RIN2: variants seen among roughly 807,000 people sequenced by gnomAD.
RIN2 encodes the protein Ras and Rab interactor 2, also known as RAB5 interacting protein 2.
Under a neutral mutation model 78.0 loss-of-function variants are expected in RIN2, and 36 were observed. That is an observed-to-expected ratio of 0.46 (90% CI 0.35 to 0.61). RIN2 has a LOEUF of 0.61. RIN2 is among the 20% of genes least tolerant of loss of function. RIN2 has a pLI of 0.00. For missense variants in RIN2, 1,087 were observed against 1,159.7 expected, an observed-to-expected ratio of 0.94 and a Z score of 0.91; for synonymous variants, 466 against 466.8, an observed-to-expected ratio of 1.00 and a Z score of 0.02.
At chr20:19,797,117 C>T (rs2035081906) in intron 1 of RIN2, among the ~76,000 whole-genome samples, 1 of 152,162 alleles carries the variant, frequency 6.6e-6, no homozygotes, top group African/African-American at 2.4e-5. Flanking sequence ...AAGTGAGTGT[C>T]CCAGCATCAG....
intron 9 of RIN2, among the ~76,000 whole-genome samples, chr20:19,985,801 G>T (rs762986312): frequency 6.6e-6 from 1 of 152,156 alleles, no homozygotes; most frequent in Non-Finnish European, 1.5e-5. Context: ...TGTTTTGCAC[G>T]CGTGCTTGTG....
chr20:19,936,140 G>C (rs1208585295), intron 4 of RIN2, among the ~76,000 whole-genome samples: 1 of 152,216 alleles, frequency 6.6e-6, no homozygotes, highest in Non-Finnish European at 1.5e-5. Context: ...CAGCTGGAAG[G>C]TGGTACTTTG....
rs966770663 is a variant in RIN2 at position 20,001,353 on chromosome 20, T to G, written c.*417T>G. 7.0e-6 allele frequency: 1 copy of G among 143,794 alleles called. No individual in the cohort carries two copies. Among genetic ancestry groups the G allele is most frequent in the African/African-American group, 2.7e-5 (1 of 36,960 alleles). 8.9% of individuals were successfully genotyped at this position (143,794 alleles called of 1,614,324 possible). A position where few individuals can be genotyped will look rare whatever the true frequency, so the allele number is the denominator to read the frequency against. On this transcript the variant is annotated 3_prime_UTR_variant, in exon 13 of 13. Coordinates refer to ENST00000255006, the MANE Select transcript of RIN2 (RefSeq NM_018993.4). ...TGGCTTCATCCCTGCCTTCCTTCCT[T>G]TCTTTTTCCTTTTTTTTTTTTTTTT...
chr20:19,882,266 C>T (rs6136868), intron 2 of RIN2, among the ~76,000 whole-genome samples: 2 of 152,116 alleles, frequency 1.3e-5, no homozygotes, highest in Non-Finnish European at 2.9e-5. Flanking sequence ...CAGCCAACAC[C>T]TCACAGAGCA....
chr20:19,965,432 T>C (rs2328472), intron 7 of RIN2, among the ~76,000 whole-genome samples: 24,204 of 152,078 alleles, frequency 0.16, 2,100 homozygotes, highest in East Asian at 0.3. Flanking sequence ...CCTGTGACTT[T>C]GAAAGCTTCA....
intron 2 of RIN2, among the ~76,000 whole-genome samples, chr20:19,877,095 A>C (rs73901318): frequency 7.2e-4 from 110 of 152,276 alleles, no homozygotes; most frequent in African/African-American, 2.6e-3. Context: ...GAGTAAGAAG[A>C]TAAGGTCTTC....
At chr20:19,946,985 C>T (rs1162090584) in intron 4 of RIN2, among the ~76,000 whole-genome samples, 1 of 142,188 alleles carries the variant, frequency 7.0e-6, no homozygotes, top group African/African-American at 2.6e-5. Context: ...GAGCCGAGAT[C>T]GTACCACTGC....
At chr20:19,989,892 A>G (rs1015479444) in intron 9 of RIN2, 114 bp from the exon 10 acceptor site, 3 of 1,055,472 alleles carry the variant, frequency 2.8e-6, no homozygotes, top group South Asian at 1.8e-5. Context: ...AAGGTGTACA[A>G]TTTGTGTGCC....
chr20:19,801,259 A>G (rs1240195150), intron 2 of RIN2, among the ~76,000 whole-genome samples: 1 of 152,004 alleles, frequency 6.6e-6, no homozygotes, highest in East Asian at 1.9e-4. Context: ...TTATCATGTA[A>G]AATAATCATC....
intron 2 of RIN2, among the ~76,000 whole-genome samples, chr20:19,869,801 T>TTTATTTATTTA (rs1481249195): frequency 1.6e-4 from 23 of 146,008 alleles, no homozygotes; most frequent in Non-Finnish European, 2.6e-4. Flanking sequence ...ATTTTATTTA[T>TTTATTTATTTA]TTATTTATTT....
chr20:19,816,924 TATC>T (rs2035783445), intron 2 of RIN2, among the ~76,000 whole-genome samples: 1 of 152,212 alleles, frequency 6.6e-6, no homozygotes, highest in African/African-American at 2.4e-5. Flanking sequence ...GAGGAACATT[TATC>T]ATAATATACT....
At chr20:19,863,164 A>G (rs1286117456) in intron 2 of RIN2, among the ~76,000 whole-genome samples, 1 of 152,248 alleles carries the variant, frequency 6.6e-6, no homozygotes, top group East Asian at 1.9e-4. Flanking sequence ...ATACATGTGC[A>G]GCCTGTCATT....
chr20:19,814,145 G>A (rs533093068), intron 2 of RIN2, among the ~76,000 whole-genome samples: 5 of 152,156 alleles, frequency 3.3e-5, no homozygotes, highest in Admixed American at 1.3e-4. Flanking sequence ...GCAAATGAAG[G>A]GCAAATGTGT....
intron 1 of RIN2, among the ~76,000 whole-genome samples, chr20:19,793,568 A>G (rs1040664374): frequency 3.3e-5 from 5 of 151,466 alleles, no homozygotes; most frequent in Admixed American, 1.3e-4. Flanking sequence ...CTATCTTCAC[A>G]GCTGGCCTAA....
At chr20:19,847,123 A>G (rs960601684) in intron 2 of RIN2, among the ~76,000 whole-genome samples, 1 of 152,234 alleles carries the variant, frequency 6.6e-6, no homozygotes, top group African/African-American at 2.4e-5. Flanking sequence ...TTGTTTTGTC[A>G]CTGAATAGGA....
At position 19,970,915 on chromosome 20, in the gene RIN2, C is replaced by T. The variant is rs547787195; in HGVS notation, c.614C>T (p.Ala205Val). The change falls in exon 8 of 13, where the codon GCC becomes GTC. Residue 205 changes from alanine to valine, a missense_variant. This residue lies in a region of RIN2 where 706 missense variants were observed against 667.5 expected (regional missense o/e 1.06). Transcript: ENST00000255006. ...TCGGAGGCTCAGCTTGAAGAACTGG[C>T]CCAGATGGGACTAAGTAAGTGTGTG... ...AKSEAQLEEL[A>V]QMGLNFWSSP... 19 of 1,612,300 alleles carry T rather than the reference C, an allele frequency of 1.2e-5. No homozygotes were observed. The highest frequency in any genetic ancestry group is 1.6e-5 in the Non-Finnish European group (19 of 1,179,090).
chr20:19,950,222 C>CT (rs2041258411), intron 4 of RIN2, among the ~76,000 whole-genome samples: 1 of 152,172 alleles, frequency 6.6e-6, no homozygotes, highest in African/African-American at 2.4e-5. Context: ...TTCTCTGCCC[C>CT]TAGAGGCACC....
At chr20:19,900,741 G>A (rs73124296) in intron 3 of RIN2, among the ~76,000 whole-genome samples, 43,869 of 151,208 alleles carry the variant, frequency 0.29, 7,252 homozygotes, top group Non-Finnish European at 0.37. Flanking sequence ...TCCTGAGGTC[G>A]GGAGTCCCAG....
intron 11 of RIN2, among the ~76,000 whole-genome samples, chr20:19,996,218 G>A (rs963336887): frequency 2.0e-4 from 31 of 152,316 alleles, no homozygotes; most frequent in Middle Eastern, 3.4e-3. Flanking sequence ...GGAGGCTGAG[G>A]TGGGAGCGTC....
Sources: allele counts gnomAD v4.1 joint callset (sites outside exome capture counted in the v4.1 genomes callset), GRCh38; gene constraint gnomAD v4.1.1; regional missense constraint gnomAD v4.1.1; transcripts MANE v1.5; gene names NCBI Gene and HGNC (gene_info 2026-07-23, HGNC 2026-07-21).